NOXRED1: variants seen among roughly 807,000 people sequenced by gnomAD.
NOXRED1 encodes the protein NADP-dependent oxidoreductase domain-containing protein 1.
NOXRED1 carries 20 observed loss-of-function variants against 30.4 expected under a neutral mutation model. The observed-to-expected ratio is 0.66, with a 90% CI of 0.46 to 0.96. The LOEUF (loss-of-function observed/expected upper bound fraction) is 0.96. Among genes scored for constraint, NOXRED1 ranks in the 40% least tolerant of loss-of-function variants. NOXRED1 has a pLI of 0.00. For synonymous variants in NOXRED1, 155 were observed against 168.0 expected (o/e 0.92, Z 0.60); for missense variants, 374 against 428.0 (o/e 0.87, Z 1.11).
At chr14:77,408,694 G>T (rs887445639) in intron 2 of NOXRED1, among the ~76,000 whole-genome samples, 1 of 152,092 alleles carries the variant, frequency 6.6e-6, no homozygotes, top group African/African-American at 2.4e-5. Context: ...TATATGACTT[G>T]TCCAAAGTTA....
intron 2 of NOXRED1, among the ~76,000 whole-genome samples, chr14:77,412,358 G>C (rs1202596336): frequency 1.3e-5 from 2 of 152,110 alleles, no homozygotes; most frequent in Non-Finnish European, 2.9e-5. Flanking sequence ...GTGTCTAGTG[G>C]TCTTAGCCAC....
In NOXRED1 at chr14:77,422,727, C is replaced by T. The variant is rs748262510; in HGVS notation, c.155+8G>A. On this transcript the variant is annotated splice_region_variant and intron_variant, in intron 1 of 5. Transcript: ENST00000380835. ...GTCCATCTTCCTGAATTTGGATACT[C>T]GGCTTACCTCAAATTATATAATAGT... is the stretch of plus-strand genomic sequence containing the variant. 1.5e-5 allele frequency: 25 copies of T among 1,613,346 alleles called. No individual in the cohort carries two copies. The highest frequency in any genetic ancestry group is 1.2e-4 in the South Asian group (11 of 91,048).
chr14:77,407,721 T>A, intron 2 of NOXRED1, 76 bp from the exon 3 acceptor site: 1 of 981,752 alleles, frequency 1.0e-6, no homozygotes, highest in Non-Finnish European at 1.6e-6. Context: ...GGGGAGAGGG[T>A]GATCATTATT....
At chr14:77,397,901 A>G (rs1894230097) in intron 5 of NOXRED1, among the ~76,000 whole-genome samples, 1 of 149,140 alleles carries the variant, frequency 6.7e-6, no homozygotes, top group East Asian at 1.9e-4. Context: ...AAAAAAAAAT[A>G]CTTGAATTCC....
chr14:77,415,181 A>AACACAC (rs57039967), intron 1 of NOXRED1, among the ~76,000 whole-genome samples: 13 of 149,402 alleles, frequency 8.7e-5, no homozygotes, highest in Admixed American at 4.7e-4. Context: ...GTCTCAGGAA[A>AACACAC]ACACACACAC....
intron 5 of NOXRED1, among the ~76,000 whole-genome samples, chr14:77,399,760 G>A (rs1358177666): frequency 2.6e-5 from 4 of 152,146 alleles, no homozygotes; most frequent in Admixed American, 6.6e-5. Flanking sequence ...TGTAACATGC[G>A]CATAATGAGA....
intron 1 of NOXRED1, among the ~76,000 whole-genome samples, chr14:77,417,008 TTAAGA>T (rs879401088): frequency 5.3e-5 from 8 of 152,162 alleles, no homozygotes; most frequent in Non-Finnish European, 1.2e-4. Flanking sequence ...TCATTTTCAC[TTAAGA>T]TATTTTCAAA....
chr14:77,425,897 C>T (rs1490904129), upstream of NOXRED1, among the ~76,000 whole-genome samples: 3 of 152,270 alleles, frequency 2.0e-5, no homozygotes, highest in African/African-American at 7.2e-5. Context: ...CCTTCTATGA[C>T]TTCACCCACT....
chr14:77,402,524 C>T (rs12881282), intron 5 of NOXRED1, among the ~76,000 whole-genome samples: 2,965 of 150,886 alleles, frequency 0.02, 88 homozygotes, highest in African/African-American at 0.068. Flanking sequence ...ATCCCAGCTA[C>T]TCGGGGGGCT....
intron 5 of NOXRED1, among the ~76,000 whole-genome samples, chr14:77,404,081 T>C (rs1002813047): frequency 5.3e-5 from 8 of 152,186 alleles, no homozygotes; most frequent in African/African-American, 1.9e-4. Flanking sequence ...AACGCTAGAA[T>C]AAAAACATCT....
chr14:77,411,469 CAA>C (rs368123770), intron 2 of NOXRED1, among the ~76,000 whole-genome samples: 3 of 97,740 alleles, frequency 3.1e-5, no homozygotes, highest in African/African-American at 7.0e-5. Flanking sequence ...GACTCTGTCT[CAA>C]AAAAAAAAAA....
chr14:77,409,961 C>A (rs1462926705), intron 2 of NOXRED1, among the ~76,000 whole-genome samples: 1 of 152,018 alleles, frequency 6.6e-6, no homozygotes, highest in Non-Finnish European at 1.5e-5. Context: ...TGCCATCATG[C>A]CTGGCTAAGT....
chr14:77,398,617 A>T lies in NOXRED1; in HGVS notation c.906-3812T>A, dbSNP rs368107885. ...AGAGTACAGGCTCACTCAAAGACTG[A>T]GACCTACCCGTAGGACTATAGAACA... On this transcript the variant is annotated intron_variant, in intron 5 of 5. Transcript: ENST00000380835. Among the ~76,000 whole-genome samples, 6 of 152,306 alleles carry T rather than the reference A, an allele frequency of 3.9e-5. No homozygotes were observed. In the East Asian group the frequency reaches 1.2e-3, roughly 29 times the overall value.
intron 5 of NOXRED1, among the ~76,000 whole-genome samples, chr14:77,405,347 A>T (rs2139673582): frequency 6.6e-6 from 1 of 152,362 alleles, no homozygotes. Context: ...GTGAGCCGAG[A>T]TCGTGCCACT....
At chr14:77,395,735 G>A (rs990238559) in intron 5 of NOXRED1, among the ~76,000 whole-genome samples, 101 of 150,712 alleles carry the variant, frequency 6.7e-4, no homozygotes, top group African/African-American at 2.3e-3. Flanking sequence ...CCAGCAGGTC[G>A]AGGCTGCAGT....
In NOXRED1 at chr14:77,394,806, C is replaced by G. The variant is rs1179979671; in HGVS notation, c.906-1G>C. 1 of 1,606,788 alleles carries G rather than the reference C, an allele frequency of 6.2e-7. No homozygotes were observed. On this transcript the variant is annotated splice_acceptor_variant, in intron 5 of 5. Coordinates refer to ENST00000380835, the MANE Select transcript of NOXRED1 (RefSeq NM_001113475.3). LOFTEE classifies it high-confidence loss of function. The stretch of plus-strand genomic sequence containing the variant: ...AGTCAGATCAAACCAGGGGAAAGGC[C>G]TGAGGTGAAAAAAATATTGTTACTT...
intron 4 of NOXRED1, chr14:77,406,493 G>C (rs1000730235): frequency 3.3e-6 from 2 of 611,512 alleles, no homozygotes; most frequent in Non-Finnish European, 5.8e-6. Context: ...ATTGAAATAA[G>C]CTATCTCCTC....
At chr14:77,418,680 C>T (rs919806547) in intron 1 of NOXRED1, among the ~76,000 whole-genome samples, 1 of 151,798 alleles carries the variant, frequency 6.6e-6, no homozygotes, top group Non-Finnish European at 1.5e-5. Flanking sequence ...CAGGTGTGTA[C>T]CACTATGCCC....
At chr14:77,417,953 T>C (rs1894875799) in intron 1 of NOXRED1, among the ~76,000 whole-genome samples, 1 of 151,968 alleles carries the variant, frequency 6.6e-6, no homozygotes, top group African/African-American at 2.4e-5. Flanking sequence ...GTAGTTACCG[T>C]AGGAAATTGC....
Sources: allele counts gnomAD v4.1 joint callset (sites outside exome capture counted in the v4.1 genomes callset), GRCh38; gene constraint gnomAD v4.1.1; transcripts MANE v1.5; gene names NCBI Gene and HGNC (gene_info 2026-07-23, HGNC 2026-07-21).